PSMA7: variants seen among roughly 807,000 people sequenced by gnomAD.
PSMA7 encodes the protein proteasome 20S subunit alpha 7.
A neutral mutation model predicts 31.3 loss-of-function variants in PSMA7; 5 were observed. The ratio of observed to expected loss-of-function variants is 0.16; its 90% CI spans 0.08 to 0.34. The LOEUF (loss-of-function observed/expected upper bound fraction) is 0.34, where lower values mean the gene tolerates loss of function less well. PSMA7 is among the 10% of genes least tolerant of loss of function. The probability of loss-of-function intolerance (pLI) is 1.00; values close to 1 mark genes in which losing one functional copy is unlikely to be tolerated. For missense variants in PSMA7, 217 were observed against 327.5 expected (o/e 0.66, Z 2.60); for synonymous variants, 155 against 121.9 (o/e 1.27, Z -1.79).
At chr20:62,139,953 C>A in intron 2 of PSMA7, 48 bp from the exon 3 acceptor site, 1 of 1,598,702 alleles carries the variant, frequency 6.3e-7, no homozygotes, top group Non-Finnish European at 8.5e-7. Flanking sequence ...GCACAAACTA[C>A]AGGGTGGGGA....
chr20:62,139,894 C>T lies in PSMA7; in HGVS notation c.235G>A (p.Asp79Asn), dbSNP rs2145664950. The change falls in exon 3 of 7, where the codon GAT becomes AAT. Residue 79 changes from aspartate to asparagine, a missense_variant. Transcript: ENST00000370873. ...GCCCTGTTGATGACTATCCTTGCAT[C>T]GGCGGTGAGGCCTGCAAGGAAAGCA... ...VCMAFAGLTA[D>N]ARIVINRARV... 6.2e-7 allele frequency: 1 copy of T among 1,613,582 alleles called. No homozygotes were observed. Among genetic ancestry groups the T allele is most frequent in the South Asian group, 1.1e-5 (1 of 91,064 alleles).
chr20:62,137,409 G>A lies in PSMA7; in HGVS notation c.609C>T (p.Gly203=), dbSNP rs748788899. The change falls in exon 6 of 7, where the codon GGC becomes GGT. Residue 203 remains glycine, a synonymous_variant. Transcript: ENST00000370873. The part of the protein sequence containing the change: ...KALLEVVQSG[G]KNIELAVMRR... Reference sequence around the variant, plus strand: ...TCATGACAGCAAGTTCAATGTTTTTGCCACCTGACTGAACCACCTTGAAGG... The same window carrying A: ...TCATGACAGCAAGTTCAATGTTTTTACCACCTGACTGAACCACCTTGAAGG... 3 of 1,613,992 alleles carry A rather than the reference G, an allele frequency of 1.9e-6. No individual in the cohort carries two copies. In the South Asian group the frequency reaches 3.3e-5, roughly 18 times the overall value.
rs375573849 is a variant in PSMA7, at chr20:62,139,737, T to C, written c.348+44A>G. On this transcript the variant is annotated intron_variant, in intron 3 of 6. Coordinates refer to ENST00000370873, the MANE Select transcript of PSMA7 (RefSeq NM_002792.4). ...GGACCCTCCATGGCGGAGCCGTGACTGCCCTGCTGCCAGAGGTGAGCATGC... is the reference window on the plus strand; with the variant it reads ...GGACCCTCCATGGCGGAGCCGTGACCGCCCTGCTGCCAGAGGTGAGCATGC... The C allele has an allele frequency of 1.9e-6, 3 of 1,613,716 alleles. No individual in the cohort carries two copies. In the African/African-American group the frequency reaches 4.0e-5, roughly 21 times the overall value.
chr20:62,137,529 G>A (rs999089822), intron 5 of PSMA7, 103 bp from the exon 6 acceptor site: 29 of 1,105,762 alleles, frequency 2.6e-5, no homozygotes, highest in South Asian at 1.4e-4. Flanking sequence ...ACCCAGCACC[G>A]TCCCAGGAAC....
In PSMA7 at chr20:62,137,385, C is replaced by T. The variant is rs756641637; in HGVS notation, c.633G>A (p.Met211Ile). The T allele has an allele frequency of 9.3e-6, 15 of 1,614,054 alleles. No homozygotes were observed. The highest frequency in any genetic ancestry group is 1.7e-5 in the Admixed American group (1 of 60,000). The change falls in exon 6 of 7, where the codon ATG becomes ATA. Residue 211 changes from methionine (M) to isoleucine (I), a missense_variant. By Grantham distance (10) the Met-to-Ile change is conservative. This residue lies in a region of PSMA7 where 88 missense variants were observed against 111.6 expected (regional missense o/e 0.79). Coordinates refer to ENST00000370873, the MANE Select transcript of PSMA7 (RefSeq NM_002792.4). ...SGGKNIELAV[M>I]RRDQSLKILN... ...TTACCTTGAGGGATTGATCTCGCCT[C>T]ATGACAGCAAGTTCAATGTTTTTGC... is the stretch of plus-strand genomic sequence containing the variant.
In PSMA7 at chr20:62,139,873, T is replaced by C; in HGVS notation, c.256A>G (p.Arg86Gly). 6.2e-7 allele frequency: 1 copy of C among 1,614,014 alleles called. No individual in the cohort carries two copies. Among genetic ancestry groups the C allele is most frequent in the Non-Finnish European group, 8.5e-7 (1 of 1,180,028 alleles). ...LTADARIVIN[R>G]ARVECQSHRL... ...TGGCTCTGGCACTCCACCCGGGCCC[T>C]GTTGATGACTATCCTTGCATCGGCG... The change falls in exon 3 of 7, where the codon AGG becomes GGG. Residue 86 changes from arginine (R) to glycine (G), a missense_variant. Coordinates refer to ENST00000370873, the MANE Select transcript of PSMA7 (RefSeq NM_002792.4).
At chr20:62,141,720 T>C (rs1200217853) in intron 1 of PSMA7, among the ~76,000 whole-genome samples, 1 of 152,100 alleles carries the variant, frequency 6.6e-6, no homozygotes, top group East Asian at 1.9e-4. Flanking sequence ...TCCTGCACTG[T>C]GACATACTCA....
intron 2 of PSMA7, among the ~76,000 whole-genome samples, chr20:62,140,453 T>C (rs1374356581): frequency 6.6e-6 from 1 of 152,218 alleles, no homozygotes; most frequent in Admixed American, 6.5e-5. Flanking sequence ...AGTGTGGTCC[T>C]TTTTACTGCT....
intron 1 of PSMA7, chr20:62,142,333 T>C (rs1430839134): frequency 6.6e-6 from 1 of 152,202 alleles, no homozygotes; most frequent in Non-Finnish European, 1.5e-5. Flanking sequence ...GATCACCTGA[T>C]GAATACTGGG....
At chr20:62,137,115 A>AAGC in intron 6 of PSMA7, among the ~76,000 whole-genome samples, 166 bp from the exon 7 acceptor site, 2 of 79,524 alleles carry the variant, frequency 2.5e-5, no homozygotes, top group African/African-American at 5.4e-5. Context: ...GACAAGTATT[A>AAGC]AGCAGCAGTA....
Position 62,143,307 on chromosome 20 carries a change from G to A in PSMA7, c.-4C>T. 7 of 1,403,686 alleles carry A rather than the reference G, an allele frequency of 5.0e-6. No individual in the cohort carries two copies. The highest frequency in any genetic ancestry group is 5.6e-6 in the Non-Finnish European group (6 of 1,063,840). 87.0% of individuals were successfully genotyped at this position (1,403,686 alleles called of 1,614,324 possible). A position where few individuals can be genotyped will look rare whatever the true frequency, so the allele number is the denominator to read the frequency against. ...TGATGGCGCGGTCGTAGCTCATGCC[G>A]GCGGGCGGCGGCCGGGCTCCTTCCG... On this transcript the variant is annotated 5_prime_UTR_variant, in exon 1 of 7. Coordinates refer to ENST00000370873, the MANE Select transcript of PSMA7 (RefSeq NM_002792.4).
chr20:62,137,003 G>GCGCC, intron 6 of PSMA7, 54 bp from the exon 7 acceptor site: 3 of 1,581,956 alleles, frequency 1.9e-6, no homozygotes, highest in Non-Finnish European at 2.6e-6. Flanking sequence ...CAAGGAACCA[G>GCGCC]CGCCCTCTTC....
At chr20:62,138,928 T>C (rs1325314554) in intron 4 of PSMA7, 147 bp downstream of exon 4, 2 of 1,096,834 alleles carry the variant, frequency 1.8e-6, no homozygotes, top group Non-Finnish European at 1.3e-6. Context: ...CAGCAATGTT[T>C]AATCATTTTC....
chr20:62,136,748 T>C lies in PSMA7; in HGVS notation c.*109A>G. ...AAAAAACAGGTTAAAAATACGGAAG[T>C]TTATTGTAGGACACTCAGTGTGAAT... On this transcript the variant is annotated 3_prime_UTR_variant, in exon 7 of 7. Coordinates refer to ENST00000370873, the MANE Select transcript of PSMA7 (RefSeq NM_002792.4). 1 of 1,427,924 alleles carries C rather than the reference T, an allele frequency of 7.0e-7. No homozygotes were observed. Among genetic ancestry groups the C allele is most frequent in the Non-Finnish European group, 9.3e-7 (1 of 1,079,738 alleles). The allele number at this position is 1,427,924 out of a possible 1,614,324, so 88.5% of individuals were successfully genotyped here.
In PSMA7 at chr20:62,136,733, T is replaced by C. The variant is rs1434784248; in HGVS notation, c.*124A>G. ...ACATTCTCTTAAAAAAAAAAACAGGTTAAAAATACGGAAGTTTATTGTAGG... is the reference window on the plus strand; with the variant it reads ...ACATTCTCTTAAAAAAAAAAACAGGCTAAAAATACGGAAGTTTATTGTAGG... On this transcript the variant is annotated 3_prime_UTR_variant, in exon 7 of 7. Transcript: ENST00000370873. The C allele has an allele frequency of 1.3e-5, 18 of 1,359,032 alleles. No homozygotes were observed. In the East Asian group the frequency reaches 4.3e-4, roughly 33 times the overall value. The allele number at this position is 1,359,032 out of a possible 1,614,324, so 84.2% of individuals were successfully genotyped here.
intron 5 of PSMA7, among the ~76,000 whole-genome samples, chr20:62,137,732 G>A (rs2056903966): frequency 6.6e-6 from 1 of 152,162 alleles, no homozygotes; most frequent in Non-Finnish European, 1.5e-5. Flanking sequence ...GCTCCCGCCT[G>A]GCCTTCCAGC....
In PSMA7 at chr20:62,137,429, T is replaced by C; in HGVS notation, c.592-3A>G. ...TTTTTGCCACCTGACTGAACCACCT[T>C]GAAGGGACAGAAGACAGGAGCATTA... On this transcript the variant is annotated splice_region_variant and splice_polypyrimidine_tract_variant and intron_variant, in intron 5 of 6. Transcript: ENST00000370873. The C allele has an allele frequency of 6.2e-7, 1 of 1,613,980 alleles. No homozygotes were observed. Among genetic ancestry groups the C allele is most frequent in the Non-Finnish European group, 8.5e-7 (1 of 1,179,940 alleles).
chr20:62,141,133 G>A (rs1183443614), intron 1 of PSMA7, among the ~76,000 whole-genome samples, 189 bp from the exon 2 acceptor site: 1 of 152,224 alleles, frequency 6.6e-6, no homozygotes, highest in Non-Finnish European at 1.5e-5. Flanking sequence ...GCCAGGTGTG[G>A]TGGCTGAAGC....
At position 62,139,915 on chromosome 20, in the gene PSMA7, A is replaced by G. The variant is rs367596604; in HGVS notation, c.224-10T>C. On this transcript the variant is annotated splice_polypyrimidine_tract_variant and intron_variant, in intron 2 of 6. Transcript: ENST00000370873. ...GCATCGGCGGTGAGGCCTGCAAGGA[A>G]AGCAGAGAGGCTTCTGCTAGAGAGA... The G allele has an allele frequency of 3.7e-6, 6 of 1,612,418 alleles. No homozygotes were observed. The African/African-American group carries it at 8.0e-5, about 22-fold the overall frequency.
Sources: allele counts gnomAD v4.1 joint callset (sites outside exome capture counted in the v4.1 genomes callset), GRCh38; gene constraint gnomAD v4.1.1; regional missense constraint gnomAD v4.1.1; transcripts MANE v1.5; gene names NCBI Gene and HGNC (gene_info 2026-07-23, HGNC 2026-07-21).